The following UVRAG variants were observed in gnomAD, a reference collection of about 807,000 sequenced individuals.
The protein encoded by UVRAG is UV radiation resistance associated.
UVRAG carries 19 observed loss-of-function variants against 78.0 expected under a neutral mutation model. The ratio of observed to expected loss-of-function variants is 0.24; its 90% confidence interval spans 0.17 to 0.36. The LOEUF is 0.36. Among genes scored for constraint, UVRAG ranks in the 10% least tolerant of loss-of-function variants. The pLI is 1.00. For synonymous variants in UVRAG, 323 were observed against 324.6 expected (o/e 1.00, Z 0.05); for missense variants, 740 against 853.8 (o/e 0.87, Z 1.66).
At chr11:75,926,918 G>A (rs1948118405) in intron 6 of UVRAG, among the ~76,000 whole-genome samples, 1 of 151,996 alleles carries the variant, frequency 6.6e-6, no homozygotes, top group South Asian at 2.1e-4. Flanking sequence ...TATTGGATAT[G>A]TACTATCTGC....
At chr11:76,034,078 T>TA (rs1220122868) in intron 12 of UVRAG, among the ~76,000 whole-genome samples, 68 of 152,334 alleles carry the variant, frequency 4.5e-4, no homozygotes, top group African/African-American at 1.6e-3. Flanking sequence ...ATATCTTAGT[T>TA]ACCATTATTG....
At chr11:76,021,074 A>C (rs1004971767) in intron 12 of UVRAG, among the ~76,000 whole-genome samples, 1 of 152,046 alleles carries the variant, frequency 6.6e-6, no homozygotes, top group East Asian at 1.9e-4. Flanking sequence ...TCTGTATCTC[A>C]TGGCCGCTGC....
Position 76,065,793 on chromosome 11 carries a change from G to T in UVRAG, c.1305+5G>T. The stretch of plus-strand genomic sequence containing the variant: ...CTGAACAAAAATATAGCACAGGTAA[G>T]TCTCTGTTCTTCACTTCTCTCCTAC... On this transcript the variant is annotated splice_donor_5th_base_variant and intron_variant, in intron 13 of 14. Coordinates refer to ENST00000356136, the MANE Select transcript of UVRAG (RefSeq NM_003369.4). 6.2e-7 allele frequency: 1 copy of T among 1,612,974 alleles called. No homozygotes were observed. The highest frequency in any genetic ancestry group is 1.1e-5 in the South Asian group (1 of 90,984).
intron 7 of UVRAG, among the ~76,000 whole-genome samples, chr11:75,977,110 C>T (rs920182070): frequency 1.3e-5 from 2 of 152,132 alleles, no homozygotes; most frequent in African/African-American, 4.8e-5. Context: ...TTATTTCTGC[C>T]TTCATTTCAT....
intron 13 of UVRAG, among the ~76,000 whole-genome samples, chr11:76,094,027 C>T (rs571285573): frequency 8.4e-4 from 128 of 152,162 alleles, no homozygotes; most frequent in African/African-American, 2.6e-3. Flanking sequence ...TTTTGAGATA[C>T]GCCCCATCAA....
chr11:76,108,397 G>A (rs1473470722), intron 13 of UVRAG, among the ~76,000 whole-genome samples: 1 of 152,188 alleles, frequency 6.6e-6, no homozygotes, highest in Non-Finnish European at 1.5e-5. Flanking sequence ...TTATTTCTCA[G>A]CAGTAAAATC....
chr11:75,873,968 G>C (rs1946707165), intron 3 of UVRAG, among the ~76,000 whole-genome samples: 1 of 152,192 alleles, frequency 6.6e-6, no homozygotes, highest in Non-Finnish European at 1.5e-5. Flanking sequence ...TTCCTTCTTA[G>C]CTAATCTGTA....
chr11:76,136,903 TTTTA>T (rs1186515540), intron 14 of UVRAG, among the ~76,000 whole-genome samples: 1 of 152,240 alleles, frequency 6.6e-6, no homozygotes, highest in Non-Finnish European at 1.5e-5. Flanking sequence ...ACTTGTGAGT[TTTTA>T]TTTTTTTATA....
In UVRAG at chr11:75,920,008, G is replaced by GTTTTTTTTTT. The variant is rs140217190; in HGVS notation, c.593+7995_593+8004dup. On this transcript the variant is annotated intron_variant, in intron 6 of 14. Transcript: ENST00000356136. ...CAAAATTTAAAATAAAATAATTTTG[G>GTTTTTTTTTT]TTTTTTTTTTTTTTTTTTTTTTTTT... is the stretch of plus-strand genomic sequence containing the variant. Among the ~76,000 whole-genome samples, 44 of 55,494 alleles carry GTTTTTTTTTT rather than the reference G, an allele frequency of 7.9e-4. 7 individuals are homozygous for GTTTTTTTTTT. Among genetic ancestry groups the GTTTTTTTTTT allele is most frequent in the South Asian group, 1.8e-3 (2 of 1,122 alleles). 36.4% of individuals were successfully genotyped at this position (55,494 alleles called of 152,430 possible).
chr11:76,075,962 T>G (rs1306696513), intron 13 of UVRAG, among the ~76,000 whole-genome samples: 1 of 152,210 alleles, frequency 6.6e-6, no homozygotes, highest in African/African-American at 2.4e-5. Context: ...AAGATGTGTA[T>G]GTATATACGA....
Position 76,007,700 on chromosome 11 carries a change from C to G in UVRAG, c.999+79C>G. ...ATGACATTTCCTCTCAATGAAAAAA[C>G]TCATTGCTTTAGGCTTAATCATATG... On this transcript the variant is annotated intron_variant, in intron 10 of 14. Coordinates refer to ENST00000356136, the MANE Select transcript of UVRAG (RefSeq NM_003369.4). 11 of 1,125,200 alleles carry G rather than the reference C, an allele frequency of 9.8e-6. No individual in the cohort carries two copies. The South Asian group carries it at 1.4e-4, about 15-fold the overall frequency. 69.7% of individuals were successfully genotyped at this position (1,125,200 alleles called of 1,614,324 possible). A position where few individuals can be genotyped will look rare whatever the true frequency, so the allele number is the denominator to read the frequency against.
chr11:76,119,778 A>G (rs557080026), intron 14 of UVRAG, among the ~76,000 whole-genome samples: 50 of 152,300 alleles, frequency 3.3e-4, no homozygotes, highest in Middle Eastern at 6.8e-3. Flanking sequence ...CACCAGTGCA[A>G]TTTGTCTCCT....
At chr11:75,905,340 G>C (rs1467824012) in intron 5 of UVRAG, among the ~76,000 whole-genome samples, 3 of 152,152 alleles carry the variant, frequency 2.0e-5, no homozygotes, top group African/African-American at 7.2e-5. Flanking sequence ...GCAATTCAGT[G>C]GCTCTGGGTA....
At chr11:75,940,681 G>A (rs916882348) in intron 6 of UVRAG, among the ~76,000 whole-genome samples, 3 of 152,140 alleles carry the variant, frequency 2.0e-5, no homozygotes, top group African/African-American at 7.2e-5. Flanking sequence ...GCTAATATTT[G>A]AGTACTTATC....
At chr11:76,104,413 C>A (rs545442230) in intron 13 of UVRAG, among the ~76,000 whole-genome samples, 21 of 152,310 alleles carry the variant, frequency 1.4e-4, no homozygotes, top group Non-Finnish European at 2.8e-4. Context: ...TCTGTCTCTA[C>A]CTCACGGTTT....
At position 76,007,462 on chromosome 11, in the gene UVRAG, G is replaced by C; in HGVS notation, c.912-72G>C. 3 of 1,179,214 alleles carry C rather than the reference G, an allele frequency of 2.5e-6. No individual in the cohort carries two copies. The South Asian group carries it at 4.0e-5, about 16-fold the overall frequency. The allele number at this position is 1,179,214 out of a possible 1,614,324, so 73.0% of individuals were successfully genotyped here. On this transcript the variant is annotated intron_variant, in intron 9 of 14. Coordinates refer to ENST00000356136, the MANE Select transcript of UVRAG (RefSeq NM_003369.4). ...AGTATAATCTTTCTTTGGATTAATT[G>C]TGTGGAAATAAATGTTACAAAGCAT...
At chr11:76,039,610 C>T (rs1173212339) in intron 12 of UVRAG, among the ~76,000 whole-genome samples, 1 of 152,248 alleles carries the variant, frequency 6.6e-6, no homozygotes, top group Non-Finnish European at 1.5e-5. Context: ...CGCAGTGGCT[C>T]ACACCTGTAA....
intron 9 of UVRAG, among the ~76,000 whole-genome samples, chr11:76,005,211 C>T (rs1591122420): frequency 6.6e-6 from 1 of 152,048 alleles, no homozygotes; most frequent in South Asian, 2.1e-4. Flanking sequence ...GGTGTGGTGG[C>T]GGATGCCTAT....
At chr11:75,875,257 TA>T (rs1946741082) in intron 3 of UVRAG, among the ~76,000 whole-genome samples, 1 of 152,248 alleles carries the variant, frequency 6.6e-6, no homozygotes, top group Admixed American at 6.5e-5. Context: ...TCACTTTGCC[TA>T]AAGTGCATCC....
Sources: allele counts gnomAD v4.1 joint callset (sites outside exome capture counted in the v4.1 genomes callset), GRCh38; gene constraint gnomAD v4.1.1; transcripts MANE v1.5; gene names NCBI Gene and HGNC (gene_info 2026-07-23, HGNC 2026-07-21).